The following GDA variants were observed in gnomAD, a reference collection of about 807,000 sequenced individuals.
The protein encoded by GDA is guanine deaminase, also known as cytoplasmic PSD-95 interactor.
In GDA, 18 loss-of-function variants were observed where a neutral mutation model predicts 59.6. The ratio of observed to expected loss-of-function variants is 0.30; its 90% CI spans 0.21 to 0.45. The LOEUF is 0.45. GDA is among the 20% of genes least tolerant of loss of function. The pLI, the probability that GDA is intolerant of heterozygous loss-of-function variation, is 1.00. For synonymous variants in GDA, 201 were observed against 201.1 expected, an observed-to-expected ratio of 1.00 and a Z score of 0.00; for missense variants, 427 against 552.3, an observed-to-expected ratio of 0.77 and a Z score of 2.27.
At chr9:72,134,404 T>C (rs1587316337) in intron 1 of GDA, among the ~76,000 whole-genome samples, 1 of 25,458 alleles carries the variant, frequency 3.9e-5, no homozygotes, top group Non-Finnish European at 2.5e-4. Context: ...CCCCGCCAAC[T>C]TTTTTTTTTT....
At chr9:72,138,085 G>A (rs1160329846) in intron 1 of GDA, among the ~76,000 whole-genome samples, 1 of 152,104 alleles carries the variant, frequency 6.6e-6, no homozygotes, top group Non-Finnish European at 1.5e-5. Context: ...TCTGTCTGCA[G>A]CTGCAGGCAT....
At chr9:72,258,432 G>A (rs912642504), downstream of GDA, among the ~76,000 whole-genome samples, 1 of 152,212 alleles carries the variant, frequency 6.6e-6, no homozygotes, top group Non-Finnish European at 1.5e-5. Context: ...GTGGACTGGA[G>A]ACCAATTGCA....
chr9:72,157,165 G>A (rs752570099), intron 1 of GDA, among the ~76,000 whole-genome samples: 4 of 151,224 alleles, frequency 2.6e-5, no homozygotes, highest in Non-Finnish European at 5.9e-5. Context: ...TCAGCCTCCC[G>A]AGGAGGTGGG....
chr9:72,213,841 C>A lies in GDA; in HGVS notation c.473-45C>A, dbSNP rs369876473. 38 of 1,036,490 alleles carry A rather than the reference C, an allele frequency of 3.7e-5. No homozygotes were observed. The African/African-American group carries it at 4.6e-4, about 12-fold the overall frequency. The allele number at this position is 1,036,490 out of a possible 1,614,324, so 64.2% of individuals were successfully genotyped here. On this transcript the variant is annotated intron_variant, in intron 4 of 13. Transcript: ENST00000358399. ...AAAAGAAAAAGAAAAAGTACTGTTT[C>A]AGAAACAAACATGCCTTCATATTCT...
intron 1 of GDA, among the ~76,000 whole-genome samples, chr9:72,182,216 C>G (rs887054556): frequency 6.6e-6 from 1 of 152,206 alleles, no homozygotes; most frequent in African/African-American, 2.4e-5. Flanking sequence ...ACTTTGCCCA[C>G]TGGCCCAATA....
chr9:72,192,296 C>T (rs550281384), intron 1 of GDA, among the ~76,000 whole-genome samples: 75 of 123,418 alleles, frequency 6.1e-4, no homozygotes, highest in African/African-American at 2.2e-3. Flanking sequence ...TGCAGTGTCG[C>T]GATCTCGGCT....
At chr9:72,199,621 G>A (rs552572218) in intron 2 of GDA, among the ~76,000 whole-genome samples, 1 of 152,300 alleles carries the variant, frequency 6.6e-6, no homozygotes, top group East Asian at 1.9e-4. Context: ...AGCACTTAGT[G>A]CAGTAACAAA....
At chr9:72,181,657 T>G (rs2131086195) in intron 1 of GDA, among the ~76,000 whole-genome samples, 1 of 152,216 alleles carries the variant, frequency 6.6e-6, no homozygotes, top group East Asian at 1.9e-4. Flanking sequence ...TTTTTTTCTT[T>G]TAGTCAGAGT....
chr9:72,138,333 A>G (rs1826318861), intron 1 of GDA, among the ~76,000 whole-genome samples: 1 of 152,166 alleles, frequency 6.6e-6, no homozygotes, highest in African/African-American at 2.4e-5. Context: ...GCATGAGGCT[A>G]GAAAGGGAGC....
At chr9:72,170,552 T>G (rs1829838420) in intron 1 of GDA, among the ~76,000 whole-genome samples, 1 of 152,194 alleles carries the variant, frequency 6.6e-6, no homozygotes, top group Non-Finnish European at 1.5e-5. Context: ...CCTTTGTCAG[T>G]GGGCCTGTCT....
chr9:72,234,205 A>T (rs1200322095), intron 10 of GDA, among the ~76,000 whole-genome samples: 1 of 152,184 alleles, frequency 6.6e-6, no homozygotes, highest in East Asian at 1.9e-4. Flanking sequence ...AGACCAACAG[A>T]ACTAACTGAT....
intron 13 of GDA, 139 bp from the exon 14 acceptor site, chr9:72,248,129 TAAAC>T (rs765659129): frequency 3.0e-6 from 2 of 666,376 alleles, no homozygotes; most frequent in Non-Finnish European, 5.4e-6. Context: ...GTTCAGATTA[TAAAC>T]AATCTGAGGG....
intron 12 of GDA, among the ~76,000 whole-genome samples, chr9:72,246,776 G>A (rs755083225): frequency 7.2e-5 from 11 of 152,166 alleles, no homozygotes; most frequent in South Asian, 2.1e-4. Context: ...TGAGGGTAGC[G>A]TGTCCTGACC....
upstream of GDA, among the ~76,000 whole-genome samples, chr9:72,144,541 C>T (rs1196816788): frequency 6.6e-6 from 1 of 152,132 alleles, no homozygotes; most frequent in African/African-American, 2.4e-5. Context: ...TGGTGCCTAT[C>T]ATAATATAGA....
chr9:72,212,604 G>T lies in GDA; in HGVS notation c.473-1282G>T, dbSNP rs553742609. Reference sequence around the variant, plus strand: ...AGCAGAGAACACTGTACATATATAGGTTTAGACCTTAACCAAATAATATCC... The same window carrying T: ...AGCAGAGAACACTGTACATATATAGTTTTAGACCTTAACCAAATAATATCC... On this transcript the variant is annotated intron_variant, in intron 4 of 13. Coordinates refer to ENST00000358399, the MANE Select transcript of GDA (RefSeq NM_004293.5). 2.6e-5 allele frequency among the ~76,000 whole-genome samples: 4 copies of T among 152,206 alleles called. No individual in the cohort carries two copies. The East Asian group carries it at 7.7e-4, about 29-fold the overall frequency.
intron 1 of GDA, among the ~76,000 whole-genome samples, chr9:72,165,379 T>C (rs553078585): frequency 6.6e-6 from 1 of 152,334 alleles, no homozygotes; most frequent in Non-Finnish European, 1.5e-5. Context: ...TGGTAGGTAG[T>C]CAGTATTTTT....
At position 72,212,151 on chromosome 9, in the gene GDA, G is replaced by T. The variant is rs188744656; in HGVS notation, c.472+1377G>T. Among the ~76,000 whole-genome samples the T allele has an allele frequency of 6.6e-5, 10 of 152,252 alleles. 1 individual carries two copies. Among genetic ancestry groups the T allele is most frequent in the Admixed American group, 3.9e-4 (6 of 15,290 alleles). On this transcript the variant is annotated intron_variant, in intron 4 of 13. Transcript: ENST00000358399. ...TGCTGAGAGCTGCTAGTAAGACTGC[G>T]TAAAATTCCTCACAGATAATATTGG...
At chr9:72,168,433 T>C (rs527690746) in intron 1 of GDA, among the ~76,000 whole-genome samples, 25 of 150,398 alleles carry the variant, frequency 1.7e-4, no homozygotes, top group Admixed American at 8.6e-4. Context: ...CTCGCTCTCT[T>C]GCTGAGGCTG....
chr9:72,206,543 C>A (rs1051588208), intron 3 of GDA, among the ~76,000 whole-genome samples: 2 of 151,984 alleles, frequency 1.3e-5, no homozygotes, highest in African/African-American at 4.8e-5. Flanking sequence ...GAGGCCTAGG[C>A]GGACGGATCA....
Sources: allele counts gnomAD v4.1 joint callset (sites outside exome capture counted in the v4.1 genomes callset), GRCh38; gene constraint gnomAD v4.1.1; transcripts MANE v1.5; gene names NCBI Gene and HGNC (gene_info 2026-07-23, HGNC 2026-07-21).